Variants in TTC17 observed in about 807,000 individuals in gnomAD.
TTC17 encodes tetratricopeptide repeat domain 17.
A neutral mutation model predicts 143.8 loss-of-function variants in TTC17; 58 were observed. That is an observed-to-expected ratio of 0.40 (90% CI 0.33 to 0.50). The LOEUF is 0.50. Among genes scored for constraint, TTC17 ranks in the 20% least tolerant of loss-of-function variants. The probability of loss-of-function intolerance (pLI) is 0.49; values close to 1 mark genes in which losing one functional copy is unlikely to be tolerated. For synonymous variants in TTC17, 501 were observed against 497.8 expected, an observed-to-expected ratio of 1.01 and a Z score of -0.09; for missense variants, 1,273 against 1,392.5, an observed-to-expected ratio of 0.91 and a Z score of 1.37.
intron 8 of TTC17, 141 bp downstream of exon 8, chr11:43,398,254 G>C (rs1019716260): frequency 9.4e-7 from 1 of 1,058,636 alleles, no homozygotes. Flanking sequence ...TCCTTTTTCT[G>C]TAAGTCCTGG....
chr11:43,464,449 A>T (rs923422199), intron 21 of TTC17, among the ~76,000 whole-genome samples: 2 of 152,188 alleles, frequency 1.3e-5, no homozygotes, highest in South Asian at 4.1e-4. Context: ...ATAGACTCAA[A>T]ATTCATACAC....
chr11:43,404,393 C>T, intron 11 of TTC17, among the ~76,000 whole-genome samples: 1 of 152,158 alleles, frequency 6.6e-6, no homozygotes, highest in Non-Finnish European at 1.5e-5. Context: ...AAAGCTTTAT[C>T]CTCTGAGTAT....
chr11:43,452,222 G>A (rs180749345), intron 21 of TTC17, among the ~76,000 whole-genome samples: 138 of 152,224 alleles, frequency 9.1e-4, no homozygotes, highest in Admixed American at 1.6e-3. Flanking sequence ...AAAACCGGTC[G>A]GGCCCGGTGG....
At chr11:43,428,983 A>T (rs1947091636) in intron 16 of TTC17, among the ~76,000 whole-genome samples, 1 of 152,200 alleles carries the variant, frequency 6.6e-6, no homozygotes, top group Non-Finnish European at 1.5e-5. Context: ...AAAGAATTTC[A>T]TTCAGCAGTA....
chr11:43,479,441 C>T (rs1948245778), intron 21 of TTC17, among the ~76,000 whole-genome samples: 1 of 151,958 alleles, frequency 6.6e-6, no homozygotes, highest in Non-Finnish European at 1.5e-5. Context: ...ATGAATTAGA[C>T]ATAATTAAAT....
intron 1 of TTC17, among the ~76,000 whole-genome samples, chr11:43,362,149 T>TTTTGTG (rs1421102071): frequency 1.4e-5 from 2 of 138,054 alleles, no homozygotes; most frequent in African/African-American, 5.6e-5. Flanking sequence ...CCCGGCTAAT[T>TTTTGTG]TGTGTGTGTG....
rs1029076553 is a variant in TTC17 at position 43,444,175 on chromosome 11, C to A, written c.2631C>A (p.Ile877=). The A allele has an allele frequency of 2.5e-6, 4 of 1,611,772 alleles. No homozygotes were observed. The African/African-American group carries it at 4.0e-5, about 16-fold the overall frequency. The stretch of plus-strand genomic sequence containing the variant: ...ATCGTTACCAAGCAAACCTAGAGAT[C>A]ACTGGCCCCAAGGTGGCATCTCCTG... ...NGHRYQANLE[I]TGPKVASPGP... is the part of the protein sequence containing the mutation. Residue 877 remains isoleucine (I), a synonymous_variant, in exon 18 of 24, where the codon ATC becomes ATA. Coordinates refer to ENST00000039989, the MANE Select transcript of TTC17 (RefSeq NM_018259.6).
At chr11:43,402,447 CACATACACATAT>C (rs1857906772) in intron 10 of TTC17, among the ~76,000 whole-genome samples, 1 of 152,102 alleles carries the variant, frequency 6.6e-6, no homozygotes, top group African/African-American at 2.4e-5. Context: ...TATACACACA[CACATACACATAT>C]ACAATCCTAA....
chr11:43,400,101 A>G (rs1326291809), intron 9 of TTC17, 53 bp downstream of exon 9: 5 of 1,554,598 alleles, frequency 3.2e-6, no homozygotes, highest in African/African-American at 1.4e-5. Context: ...CACTTTTAGC[A>G]TGCTTTACTA....
rs1565144940 is a variant in TTC17, at chr11:43,398,046, G to A, written c.991G>A (p.Ala331Thr). 2 of 1,613,806 alleles carry A rather than the reference G, an allele frequency of 1.2e-6. No homozygotes were observed. Among genetic ancestry groups the A allele is most frequent in the Non-Finnish European group, 8.5e-7 (1 of 1,179,954 alleles). The change falls in exon 8 of 24, where the codon GCT becomes ACT. Residue 331 changes from alanine to threonine, a missense_variant. Coordinates refer to ENST00000039989, the MANE Select transcript of TTC17 (RefSeq NM_018259.6). ...GCAGGCCAGACCTGGGTTTGAGCAA[G>A]CTATAAAGAGGAAGCATGCTGTCCT... ...ALQARPGFEQ[A>T]IKRKHAVLCQ...
intron 22 of TTC17, chr11:43,491,204 A>G (rs1270795054): frequency 6.6e-6 from 1 of 152,236 alleles, no homozygotes; most frequent in Non-Finnish European, 1.5e-5. Context: ...TATGGCTGTC[A>G]CAAAGATGGG....
chr11:43,468,113 G>T (rs145011887), intron 21 of TTC17: 1 of 152,236 alleles, frequency 6.6e-6, no homozygotes, highest in African/African-American at 2.4e-5. Flanking sequence ...ATAGAGAAAA[G>T]AACTCACTTT....
chr11:43,482,653 T>TG (rs1457716916), intron 21 of TTC17, among the ~76,000 whole-genome samples: 5 of 152,194 alleles, frequency 3.3e-5, no homozygotes, highest in African/African-American at 1.2e-4. Context: ...AATATTGTCT[T>TG]CTGCTTTTGT....
chr11:43,478,236 C>T (rs1479803871), intron 21 of TTC17, among the ~76,000 whole-genome samples: 1 of 152,108 alleles, frequency 6.6e-6, no homozygotes, highest in Non-Finnish European at 1.5e-5. Flanking sequence ...CCAGAGATCA[C>T]AACAGATTTA....
At chr11:43,436,134 T>C (rs1947287354) in intron 16 of TTC17, 3 of 1,306,220 alleles carry the variant, frequency 2.3e-6, no homozygotes, top group Admixed American at 6.9e-5. Context: ...ATATTTCTAA[T>C]GTGCTATATC....
chr11:43,438,135 T>C (rs910445959), intron 16 of TTC17, among the ~76,000 whole-genome samples: 1 of 152,230 alleles, frequency 6.6e-6, no homozygotes, highest in Non-Finnish European at 1.5e-5. Flanking sequence ...ACCCTAGGAC[T>C]GAAGACAGAA....
intron 2 of TTC17, among the ~76,000 whole-genome samples, chr11:43,383,027 GT>G (rs1857031305): frequency 6.6e-6 from 1 of 152,032 alleles, no homozygotes; most frequent in Non-Finnish European, 1.5e-5. Context: ...AGCCTCTTGT[GT>G]AGCTGGGACC....
At chr11:43,393,454 A>C (rs1158738184) in intron 5 of TTC17, among the ~76,000 whole-genome samples, 2 of 152,158 alleles carry the variant, frequency 1.3e-5, no homozygotes, top group African/African-American at 4.8e-5. Context: ...CCTCTCCAGA[A>C]CACCACCCTC....
chr11:43,408,197 T>C (rs1858234395), intron 15 of TTC17, among the ~76,000 whole-genome samples: 3 of 152,190 alleles, frequency 2.0e-5, no homozygotes, highest in Admixed American at 2.0e-4. Context: ...ATAATAAATA[T>C]ACAATTAAAT....
Sources: allele counts gnomAD v4.1 joint callset (sites outside exome capture counted in the v4.1 genomes callset), GRCh38; gene constraint gnomAD v4.1.1; transcripts MANE v1.5; gene names NCBI Gene and HGNC (gene_info 2026-07-23, HGNC 2026-07-21).